The following AOC1 variants were observed in gnomAD, a reference collection of about 807,000 sequenced individuals.
AOC1 encodes the protein amine oxidase copper containing 1.
A neutral mutation model predicts 57.1 loss-of-function variants in AOC1; 58 were observed. The observed-to-expected ratio is 1.02, with a 90% CI of 0.82 to 1.26. AOC1 has a LOEUF of 1.26. AOC1 is among the 50% of genes most tolerant of loss of function. The pLI, the probability that AOC1 is intolerant of heterozygous loss-of-function variation, is 0.00. For missense variants in AOC1, 917 were observed against 1,005.3 expected (o/e 0.91, Z 1.19); for synonymous variants, 401 against 423.4 (o/e 0.95, Z 0.65).
rs1013671188 is a variant in AOC1, at chr7:150,856,419, A to G, written c.-16-36A>G. 1 of 1,552,422 alleles carries G rather than the reference A, an allele frequency of 6.4e-7. No homozygotes were observed. The highest frequency in any genetic ancestry group is 1.4e-5 in the African/African-American group (1 of 73,174). ...CTGAGGGAAGCCCATCTCTGCCCATAAGACAACTAAGTTCATCTCCTCTAT... is the reference window on the plus strand; with the variant it reads ...CTGAGGGAAGCCCATCTCTGCCCATGAGACAACTAAGTTCATCTCCTCTAT... On this transcript the variant is annotated intron_variant, in intron 1 of 4. Coordinates refer to ENST00000360937, the MANE Select transcript of AOC1 (RefSeq NM_001091.4). The surrounding 1 kb of genome is among the most constrained non-coding windows in gnomAD (Gnocchi z 5.2).
At chr7:150,860,393 G>C in intron 3 of AOC1, 108 bp from the exon 4 acceptor site, 3 of 1,569,604 alleles carry the variant, frequency 1.9e-6, no homozygotes, top group Non-Finnish European at 2.6e-6. Flanking sequence ...GTCATCTTGG[G>C]GAAGGCAATC....
chr7:150,854,648 C>T (rs1799721170), intron 1 of AOC1, among the ~76,000 whole-genome samples: 1 of 152,142 alleles, frequency 6.6e-6, no homozygotes, highest in African/African-American at 2.4e-5. Flanking sequence ...GAAAACAGGG[C>T]CTCTAGTTAA....
rs1265764211 is a variant in AOC1, at chr7:150,861,049, T to C, written c.2096T>C (p.Phe699Ser). ...TCCGTGGGCTTCCTGCTCCGGCCAT[T>C]CAACTTCTTCCCAGAGGACCCCTCC... ...GNSVGFLLRP[F>S]NFFPEDPSLA... The change falls in exon 5 of 5, where the codon TTC becomes TCC. Residue 699 changes from phenylalanine (F) to serine (S), a missense_variant. Transcript: ENST00000360937. This position sits in a 1 kb window ranked among gnomAD's most constrained non-coding sequence, Gnocchi z 4.5. The C allele has an allele frequency of 1.2e-6, 2 of 1,614,038 alleles. No homozygotes were observed. Among genetic ancestry groups the C allele is most frequent in the South Asian group, 2.2e-5 (2 of 91,072 alleles).
rs1270326048 is a variant in AOC1, at chr7:150,859,065, G to C, written c.1856+17G>C. The C allele has an allele frequency of 2.0e-6, 3 of 1,529,604 alleles. No individual in the cohort carries two copies. The highest frequency in any genetic ancestry group is 1.8e-6 in the Non-Finnish European group (2 of 1,136,626). 94.8% of individuals were successfully genotyped at this position (1,529,604 alleles called of 1,614,324 possible). A position where few individuals can be genotyped will look rare whatever the true frequency, so the allele number is the denominator to read the frequency against. ...CTGGGCAAGGTGAGGAAGACCCAGG[G>C]GGCCTGGGGGAGGGTCAGTGGCTTC... On this transcript the variant is annotated intron_variant, in intron 3 of 4. Coordinates refer to ENST00000360937, the MANE Select transcript of AOC1 (RefSeq NM_001091.4).
At chr7:150,853,519 T>C (rs1799678993) in intron 1 of AOC1, among the ~76,000 whole-genome samples, 1 of 151,848 alleles carries the variant, frequency 6.6e-6, no homozygotes, top group South Asian at 2.1e-4. Flanking sequence ...TAAAGTCTAT[T>C]AAGAAATCTA....
At position 150,857,887 on chromosome 7, in the gene AOC1, G is replaced by A. The variant is rs375457889; in HGVS notation, c.1417G>A (p.Gly473Arg). The A allele has an allele frequency of 2.6e-5, 42 of 1,613,498 alleles. No individual in the cohort carries two copies. The highest frequency in any genetic ancestry group is 1.3e-4 in the Admixed American group (8 of 59,968). The change falls in exon 2 of 5, where the codon GGG becomes AGG. Residue 473 changes from glycine to arginine, a missense_variant. Transcript: ENST00000360937. The surrounding 1 kb of genome is among the most constrained non-coding windows in gnomAD (Gnocchi z 6.6). ...YIWDFIFYPN[G>R]VMEAKMHATG... is the part of the protein sequence containing the mutation. ...TTGGGACTTTATCTTCTACCCCAAC[G>A]GGGTGATGGAGGCCAAGATGCATGC... is the stretch of plus-strand genomic sequence containing the variant.
intron 1 of AOC1, among the ~76,000 whole-genome samples, chr7:150,854,679 C>T (rs148305318): frequency 2.6e-4 from 39 of 152,312 alleles, no homozygotes; most frequent in Non-Finnish European, 5.4e-4. Flanking sequence ...GTGTTCCCAA[C>T]GCTTGTGCTT....
rs1799962700 is a variant in AOC1 at position 150,861,297 on chromosome 7, G to A, written c.*88G>A. Reference sequence around the variant, plus strand: ...ATAAACCCTCAGAGCCTCGCTCTGTGTGCTGCTTCTTGCGGGGAGGCACAG... The same window carrying A: ...ATAAACCCTCAGAGCCTCGCTCTGTATGCTGCTTCTTGCGGGGAGGCACAG... On this transcript the variant is annotated 3_prime_UTR_variant, in exon 5 of 5. Coordinates refer to ENST00000360937, the MANE Select transcript of AOC1 (RefSeq NM_001091.4). This position sits in a 1 kb window ranked among gnomAD's most constrained non-coding sequence, Gnocchi z 4.5. The A allele has an allele frequency of 1.4e-6, 2 of 1,424,880 alleles. No individual in the cohort carries two copies. The highest frequency in any genetic ancestry group is 2.9e-5 in the African/African-American group (2 of 69,564). The allele number at this position is 1,424,880 out of a possible 1,614,324, so 88.3% of individuals were successfully genotyped here.
rs1217221855 is a variant in AOC1, at chr7:150,861,041, C to G, written c.2088C>G (p.Leu696=). 6.2e-7 allele frequency: 1 copy of G among 1,614,136 alleles called. No homozygotes were observed. Among genetic ancestry groups the G allele is most frequent in the South Asian group, 1.1e-5 (1 of 91,082 alleles). Reference sequence around the variant, plus strand: ...CTGGGAACTCCGTGGGCTTCCTGCTCCGGCCATTCAACTTCTTCCCAGAGG... The same window carrying G: ...CTGGGAACTCCGTGGGCTTCCTGCTGCGGCCATTCAACTTCTTCCCAGAGG... ...ATPGNSVGFL[L]RPFNFFPEDP... The change falls in exon 5 of 5, where the codon CTC becomes CTG. Residue 696 remains leucine, a synonymous_variant. Transcript: ENST00000360937. The surrounding 1 kb of genome is among the most constrained non-coding windows in gnomAD (Gnocchi z 4.5).
rs979232156 is a variant in AOC1, at chr7:150,861,290, G to A, written c.*81G>A. 9.3e-5 allele frequency: 133 copies of A among 1,434,842 alleles called. 3 individuals are homozygous for A. The highest frequency in any genetic ancestry group is 3.6e-4 in the Middle Eastern group (2 of 5,486). 88.9% of individuals were successfully genotyped at this position (1,434,842 alleles called of 1,614,324 possible). On this transcript the variant is annotated 3_prime_UTR_variant, in exon 5 of 5. Coordinates refer to ENST00000360937, the MANE Select transcript of AOC1 (RefSeq NM_001091.4). This position sits in a 1 kb window ranked among gnomAD's most constrained non-coding sequence, Gnocchi z 4.5. Reference sequence around the variant, plus strand: ...GCAGACAATAAACCCTCAGAGCCTCGCTCTGTGTGCTGCTTCTTGCGGGGA... The same window carrying A: ...GCAGACAATAAACCCTCAGAGCCTCACTCTGTGTGCTGCTTCTTGCGGGGA...
At position 150,858,974 on chromosome 7, in the gene AOC1, C is replaced by CATA. The variant is rs745491867; in HGVS notation, c.1782_1783insATA (p.Arg594_Leu595insIle). 3.1e-6 allele frequency: 5 copies of CATA among 1,606,104 alleles called. No individual in the cohort carries two copies. The African/African-American group carries it at 6.7e-5, about 21-fold the overall frequency. ...CCTGGGGCCACAAGCGCACGTACCG[C>CATA]CTGCAGATCCACTCCATGGCCGACC... On this transcript the variant is annotated inframe_insertion, in exon 3 of 5. Coordinates refer to ENST00000360937, the MANE Select transcript of AOC1 (RefSeq NM_001091.4).
chr7:150,853,674 TATATATATATATA>T (rs1563086936), intron 1 of AOC1, among the ~76,000 whole-genome samples: 11 of 109,470 alleles, frequency 1.0e-4, no homozygotes, highest in African/African-American at 5.0e-4. Context: ...TATATATATA[TATATATATATATA>T]TATATATATA....
Position 150,857,485 on chromosome 7 carries a change from G to A in AOC1, c.1015G>A (p.Val339Met), listed in dbSNP as rs780989863. Residue 339 changes from valine (V) to methionine (M), a missense_variant, in exon 2 of 5, where the codon GTG becomes ATG. By Grantham distance (21) the Val-to-Met change is conservative. Transcript: ENST00000360937. The surrounding 1 kb of genome is among the most constrained non-coding windows in gnomAD (Gnocchi z 6.6). ...CTCCTCCGGGCTGCAGGTCCTGAAC[G>A]TGCACTTCGGCGGAGAGCGCATTGC... ...RSSSGLQVLN[V>M]HFGGERIAYE... 57 of 1,613,226 alleles carry A rather than the reference G, an allele frequency of 3.5e-5. 1 individual carries two copies. The highest frequency in any genetic ancestry group is 2.0e-4 in the East Asian group (9 of 44,884).
intron 3 of AOC1, 124 bp from the exon 4 acceptor site, chr7:150,860,377 T>C (rs1242691316): frequency 6.5e-7 from 1 of 1,540,062 alleles, no homozygotes; most frequent in Non-Finnish European, 8.8e-7. Context: ...CCAGGACAGA[T>C]GATCTGTCAT....
chr7:150,858,225 G>A (rs543667363), intron 2 of AOC1, among the ~76,000 whole-genome samples, 185 bp downstream of exon 2: 3 of 152,308 alleles, frequency 2.0e-5, no homozygotes, highest in African/African-American at 7.2e-5. Context: ...GAACAGTGCC[G>A]AGGGTTGCCC....
At position 150,857,196 on chromosome 7, in the gene AOC1, C is replaced by T; in HGVS notation, c.726C>T (p.Phe242=). Reference sequence around the variant, plus strand: ...AGCAGGTGTGGTACAACGGGAAGTTCTATGGGAGCCCAGAGGAACTGGCTC... The same window carrying T: ...AGCAGGTGTGGTACAACGGGAAGTTTTATGGGAGCCCAGAGGAACTGGCTC... ...AVEQVWYNGK[F]YGSPEELARK... The change falls in exon 2 of 5, where the codon TTC becomes TTT. Residue 242 remains phenylalanine, a synonymous_variant. Transcript: ENST00000360937. The surrounding 1 kb of genome is among the most constrained non-coding windows in gnomAD (Gnocchi z 6.6). The T allele has an allele frequency of 6.2e-7, 1 of 1,613,136 alleles. No homozygotes were observed. The highest frequency in any genetic ancestry group is 8.5e-7 in the Non-Finnish European group (1 of 1,179,460).
intron 1 of AOC1, among the ~76,000 whole-genome samples, chr7:150,854,588 T>G (rs1165027033): frequency 1.3e-5 from 2 of 151,810 alleles, no homozygotes; most frequent in African/African-American, 4.8e-5. Context: ...CAGAGTCGGG[T>G]GGGAAGGGAC....
chr7:150,858,480 C>T (rs957067735), intron 2 of AOC1, among the ~76,000 whole-genome samples: 18 of 152,148 alleles, frequency 1.2e-4, no homozygotes, highest in Non-Finnish European at 1.5e-5. Context: ...TACCCCTCAG[C>T]CCCAGTCACC....
In AOC1 at chr7:150,857,746, C is replaced by T; in HGVS notation, c.1276C>T (p.Pro426Ser). Residue 426 changes from proline to serine, a missense_variant, in exon 2 of 5, where the codon CCC becomes TCC. By Grantham distance (74) the Pro-to-Ser change is moderately conservative (BLOSUM62 -1). Transcript: ENST00000360937. This position sits in a 1 kb window ranked among gnomAD's most constrained non-coding sequence, Gnocchi z 6.6. ...LCLFEMPTGVPLRRHFNSNFK... is the reference protein window; with the variant it reads ...LCLFEMPTGVSLRRHFNSNFK... The stretch of plus-strand genomic sequence containing the variant: ...CCTCTTTGAAATGCCCACAGGGGTG[C>T]CCCTTCGGCGGCACTTTAATTCCAA... The T allele has an allele frequency of 1.2e-6, 2 of 1,614,192 alleles. No homozygotes were observed. Among genetic ancestry groups the T allele is most frequent in the Non-Finnish European group, 1.7e-6 (2 of 1,180,000 alleles).
Sources: gnomAD v4.1 joint callset for allele counts (sites outside exome capture counted in the v4.1 genomes callset) on GRCh38, gnomAD v4.1.1 for gene constraint, Gnocchi (gnomAD v3.1) non-coding constraint, MANE v1.5 for transcripts, NCBI Gene and HGNC (gene_info 2026-07-23, HGNC 2026-07-21) for gene names.